CSAG1: variants seen among roughly 807,000 people sequenced by gnomAD.
The protein encoded by CSAG1 is chondrosarcoma-associated gene 1 protein.
CSAG1 carries 4 observed loss-of-function variants against 4.8 expected under a neutral mutation model. That is an observed-to-expected ratio of 0.83 (90% CI 0.41 to 1.90). The LOEUF (loss-of-function observed/expected upper bound fraction) is 1.90. Among genes scored for constraint, CSAG1 ranks in the 40% most tolerant of loss-of-function variants. The pLI is 0.03. For synonymous variants in CSAG1, 21 were observed against 23.1 expected (o/e 0.91, Z 0.26); for missense variants, 69 against 59.5 (o/e 1.16, Z -0.53).
At chrX:152,733,151 C>T (rs1343121575) in intron 1 of CSAG1, 1 of 112,062 alleles carries the variant, frequency 8.9e-6, no homozygotes, top group African/African-American at 3.3e-5. Context: ...CTGTCTTCTT[C>T]CAGAGGTCAA....
chrX:152,731,969 C>G (rs1347726808), intron 2 of CSAG1, among the ~76,000 whole-genome samples: 2 of 112,239 alleles, frequency 1.8e-5, no homozygotes, highest in Non-Finnish European at 3.8e-5. Flanking sequence ...GTAGATGTAG[C>G]CTATTATCTC....
chrX:152,732,156 C>G (rs1184886920), intron 2 of CSAG1, among the ~76,000 whole-genome samples: 13 of 112,436 alleles, frequency 1.2e-4, no homozygotes, highest in Non-Finnish European at 2.4e-4. Flanking sequence ...AGGTGTGCAA[C>G]AGATTACTAC....
At chrX:152,728,917 A>G (rs1556831186) in intron 2 of CSAG1, among the ~76,000 whole-genome samples, 2 of 111,676 alleles carry the variant, frequency 1.8e-5, no homozygotes, top group East Asian at 2.8e-4. Flanking sequence ...CACCCTTATG[A>G]CCTCTTTTAA....
chrX:152,728,882 C>A (rs1184375103), intron 2 of CSAG1, among the ~76,000 whole-genome samples: 7 of 111,851 alleles, frequency 6.3e-5, no homozygotes, highest in Non-Finnish European at 9.4e-5. Flanking sequence ...CTTATAACCA[C>A]ACTAATTCTA....
chrX:152,732,307 C>A (rs185602801), intron 2 of CSAG1, 138 bp downstream of exon 2: 8 of 799,638 alleles, frequency 1.0e-5, no homozygotes, highest in South Asian at 4.4e-5. Context: ...CTTATAGAGG[C>A]AACTATCGAA....
Position 152,727,635 on chromosome X carries a change from T to A in CSAG1, c.*159A>T, listed in dbSNP as rs2124961979. 3 of 653,951 alleles carry A rather than the reference T, an allele frequency of 4.6e-6. No individual in the cohort carries two copies. The East Asian group carries it at 9.9e-5, about 21-fold the overall frequency. 53.9% of individuals were successfully genotyped at this position (653,951 alleles called of 1,213,427 possible). The stretch of plus-strand genomic sequence containing the variant: ...TGAAGTCTCTGGCCTTGCCTGGGAA[T>A]TACTGGCTGCCCAAGGAAGCACTGG... On this transcript the variant is annotated 3_prime_UTR_variant, in exon 4 of 4. Coordinates refer to ENST00000452779, the MANE Select transcript of CSAG1 (RefSeq NM_001102576.3).
chrX:152,728,098 T>C lies in CSAG1; in HGVS notation c.143A>G (p.Asn48Ser), dbSNP rs1556830760. 8.3e-7 allele frequency: 1 copy of C among 1,210,894 alleles called. No homozygotes were observed. The highest frequency in any genetic ancestry group is 1.1e-6 in the Non-Finnish European group (1 of 895,200). The change falls in exon 3 of 4, where the codon AAC (asparagine) becomes AGC (serine). Residue 48 changes from asparagine to serine, a missense_variant. Transcript: ENST00000452779. ...CCTCTTTGGTGTTGATGGGTGGTTGTTGGAAAATGGGCTGGAGGCTCGTGG... is the reference window on the plus strand; with the variant it reads ...CCTCTTTGGTGTTGATGGGTGGTTGCTGGAAAATGGGCTGGAGGCTCGTGG... ...RKPRASSPFS[N>S]NHPSTPKRFP...
At chrX:152,731,147 C>T (rs1472324145) in intron 2 of CSAG1, among the ~76,000 whole-genome samples, 7 of 111,903 alleles carry the variant, frequency 6.3e-5, no homozygotes, top group Non-Finnish European at 1.3e-4. Flanking sequence ...AGGCAAGTGT[C>T]TAACTGGAAC....
intron 2 of CSAG1, among the ~76,000 whole-genome samples, chrX:152,729,990 G>C (rs868954820): frequency 0.015 from 500 of 34,056 alleles, 10 homozygotes; most frequent in African/African-American, 0.06. Context: ...TTGGTGAATG[G>C]ATTATATATA....
chrX:152,729,802 C>T (rs1458765359), intron 2 of CSAG1, among the ~76,000 whole-genome samples: 4 of 110,111 alleles, frequency 3.6e-5, no homozygotes, highest in Non-Finnish European at 7.6e-5. Context: ...CTTTGGAAGA[C>T]AATTTGGCGT....
chrX:152,732,695 G>A (rs1383613847), intron 1 of CSAG1, among the ~76,000 whole-genome samples, 191 bp from the exon 2 acceptor site: 1 of 112,319 alleles, frequency 8.9e-6, no homozygotes, highest in African/African-American at 3.2e-5. Context: ...CTGCCTAGAC[G>A]GCAGATAACA....
rs1339928748 is a variant in CSAG1, at chrX:152,727,654, G to A, written c.*140C>T. ...TGGGAATTACTGGCTGCCCAAGGAA[G>A]CACTGGAGAAGGCGGTGGTCTCCTT... On this transcript the variant is annotated 3_prime_UTR_variant, in exon 4 of 4. Coordinates refer to ENST00000452779, the MANE Select transcript of CSAG1 (RefSeq NM_001102576.3). 6 of 745,539 alleles carry A rather than the reference G, an allele frequency of 8.0e-6. No individual in the cohort carries two copies. In the South Asian group the frequency reaches 1.3e-4, roughly 16 times the overall value. The allele number at this position is 745,539 out of a possible 1,213,427, so 61.4% of individuals were successfully genotyped here. A position where few individuals can be genotyped will look rare whatever the true frequency, so the allele number is the denominator to read the frequency against.
chrX:152,732,899 TA>T (rs1214450721), intron 1 of CSAG1: 30 of 130,529 alleles, frequency 2.3e-4, no homozygotes, highest in South Asian at 7.6e-4. Context: ...GAATTACGTT[TA>T]AAAAAAAATT....
Position 152,727,486 on chromosome X carries a change from AT to A in CSAG1, c.*307del. ...TTTGAGACACACAGACACACACATC[AT>A]TTTACAACATGTTCATTTTATTTCC... is the stretch of plus-strand genomic sequence containing the variant. On this transcript the variant is annotated 3_prime_UTR_variant, in exon 4 of 4. Coordinates refer to ENST00000452779, the MANE Select transcript of CSAG1 (RefSeq NM_001102576.3). 2.9e-6 allele frequency: 1 copy of A among 344,409 alleles called. No individual in the cohort carries two copies. The highest frequency in any genetic ancestry group is 4.1e-5 in the South Asian group (1 of 24,690). 28.4% of individuals were successfully genotyped at this position (344,409 alleles called of 1,213,427 possible). A position where few individuals can be genotyped will look rare whatever the true frequency, so the allele number is the denominator to read the frequency against.
intron 3 of CSAG1, 36 bp downstream of exon 3, chrX:152,728,038 G>T: frequency 8.3e-7 from 1 of 1,211,345 alleles, no homozygotes; most frequent in Non-Finnish European, 1.1e-6. Context: ...TAGGGCTTCT[G>T]GGCCAGGGAT....
intron 2 of CSAG1, among the ~76,000 whole-genome samples, chrX:152,730,011 C>CACAA: frequency 1.3e-5 from 1 of 77,897 alleles, no homozygotes; most frequent in African/African-American, 5.4e-5. Context: ...TATATATATA[C>CACAA]ACACATACAC....
chrX:152,729,149 G>A (rs1438195851), intron 2 of CSAG1, among the ~76,000 whole-genome samples: 5 of 110,346 alleles, frequency 4.5e-5, no homozygotes, highest in East Asian at 5.6e-4. Context: ...AAAAGGTGTC[G>A]GAACAATTAG....
chrX:152,728,056 T>C lies in CSAG1; in HGVS notation c.167+18A>G, dbSNP rs2124962830. 1 of 1,210,827 alleles carries C rather than the reference T, an allele frequency of 8.3e-7. No individual in the cohort carries two copies. Among genetic ancestry groups the C allele is most frequent in the South Asian group, 1.8e-5 (1 of 56,898 alleles). Reference sequence around the variant, plus strand: ...GGCTTCTGGGCCAGGGATGAGAGGATGCTTTCCCCTTCCTCGCCTCTTTGG... The same window carrying C: ...GGCTTCTGGGCCAGGGATGAGAGGACGCTTTCCCCTTCCTCGCCTCTTTGG... On this transcript the variant is annotated intron_variant, in intron 3 of 3. Coordinates refer to ENST00000452779, the MANE Select transcript of CSAG1 (RefSeq NM_001102576.3).
intron 2 of CSAG1, among the ~76,000 whole-genome samples, chrX:152,730,222 CA>C (rs1256793467): frequency 9.1e-6 from 1 of 110,043 alleles, no homozygotes; most frequent in Non-Finnish European, 1.9e-5. Context: ...CAGGAAAAGG[CA>C]AAATTATAAA....
Sources: gnomAD v4.1 joint callset for allele counts (sites outside exome capture counted in the v4.1 genomes callset) on GRCh38, gnomAD v4.1.1 for gene constraint, MANE v1.5 for transcripts, NCBI Gene and HGNC (gene_info 2026-07-23, HGNC 2026-07-21) for gene names.